The following PLXNA3 variants were observed in gnomAD, a reference collection of about 807,000 sequenced individuals.
PLXNA3 encodes plexin A3, also known as plexin-A3.
In PLXNA3, 52 loss-of-function variants were observed where a neutral mutation model predicts 118.8. That is an observed-to-expected ratio of 0.44 (90% CI 0.35 to 0.55). The LOEUF (loss-of-function observed/expected upper bound fraction) is 0.55. Ranked by LOEUF, PLXNA3 falls within the 20% of genes least tolerant of loss-of-function variation. The probability of loss-of-function intolerance (pLI) is 0.01; values close to 1 mark genes in which losing one functional copy is unlikely to be tolerated. For synonymous variants in PLXNA3, 925 were observed against 762.4 expected, an observed-to-expected ratio of 1.21 and a Z score of -3.51; for missense variants, 1,660 against 1,730.8, an observed-to-expected ratio of 0.96 and a Z score of 0.73.
chrX:154,461,405 G>A lies in PLXNA3; in HGVS notation c.901G>A (p.Gly301Ser). The A allele has an allele frequency of 8.3e-7, 1 of 1,211,690 alleles. No individual in the cohort carries two copies. Among genetic ancestry groups the A allele is most frequent in the Non-Finnish European group, 1.1e-6 (1 of 895,218 alleles). Residue 301 changes from glycine (G) to serine (S), a missense_variant, in exon 3 of 33, where the codon GGC becomes AGC. Coordinates refer to ENST00000369682, the MANE Select transcript of PLXNA3 (RefSeq NM_017514.5). ...GCAGAGCGCCCACCTGGCCAAGCCT[G>A]GCCTGCTGCTGGCCCAGGCCCTGGG... is the stretch of plus-strand genomic sequence containing the variant. The part of the protein sequence containing the change: ...LVQSAHLAKP[G>S]LLLAQALGVP...
rs1260414062 is a variant in PLXNA3, at chrX:154,475,324, C to G, written c.*2639C>G. On this transcript the variant is annotated 3_prime_UTR_variant, in exon 33 of 33. Transcript: ENST00000369682. The stretch of plus-strand genomic sequence containing the variant: ...CCATGTTGGTCAGGCTGGTCTCGAG[C>G]TCCCGACCTCAGGTGATCCGCCCGC... The G allele has an allele frequency of 9.0e-6, 1 of 111,306 alleles. No homozygotes were observed. The highest frequency in any genetic ancestry group is 3.3e-5 in the African/African-American group (1 of 30,629). 9.2% of individuals were successfully genotyped at this position (111,306 alleles called of 1,213,427 possible).
intron 17 of PLXNA3, 131 bp from the exon 18 acceptor site, chrX:154,466,926 C>CACAGT: frequency 1.2e-6 from 1 of 858,833 alleles, no homozygotes; most frequent in Non-Finnish European, 1.7e-6. Context: ...GTCCTGGCTG[C>CACAGT]ACAGTACCCG....
At chrX:154,464,631 C>A in intron 9 of PLXNA3, 123 bp from the exon 10 acceptor site, 1 of 685,226 alleles carries the variant, frequency 1.5e-6, no homozygotes. Flanking sequence ...CCCCTGACAT[C>A]CCCACATCTC....
intron 30 of PLXNA3, 40 bp from the exon 31 acceptor site, chrX:154,471,065 A>T (rs1557209294): frequency 8.7e-7 from 1 of 1,148,701 alleles, no homozygotes; most frequent in African/African-American, 1.8e-5. Flanking sequence ...CTTGGGGCTA[A>T]CTAGGGAGCC....
chrX:154,467,257 C>T lies in PLXNA3; in HGVS notation c.3227C>T (p.Ala1076Val), dbSNP rs1557207488. 2 of 1,209,913 alleles carry T rather than the reference C, an allele frequency of 1.7e-6. No individual in the cohort carries two copies. Among genetic ancestry groups the T allele is most frequent in the Admixed American group, 2.2e-5 (1 of 46,136 alleles). The change falls in exon 19 of 33, where the codon GCC (alanine) becomes GTC (valine). Residue 1076 changes from alanine to valine, a missense_variant. Around this residue, in one of 2 missense-constraint regions of PLXNA3, gnomAD observed 869 missense variants for 1,078.7 expected, o/e 0.81. Transcript: ENST00000369682. ...TNTCQVINDT[A>V]MLCKAPGIFL... ...ACATGCCAAGTGATCAACGACACTG[C>T]CATGCTGTGTAAGGCCCCCGGCATC...
chrX:154,468,170 C>T lies in PLXNA3; in HGVS notation c.3909C>T (p.Ala1303=), dbSNP rs372291517. 4.0e-5 allele frequency: 47 copies of T among 1,185,745 alleles called. No homozygotes were observed. In the African/African-American group the frequency reaches 5.3e-4, roughly 13 times the overall value. The part of the protein sequence containing the change: ...QIPFLDYRTY[A]VRVLFPGIEA... ...CCTTCCTGGACTACCGGACTTACGC[C>T]GTGCGCGTGCTCTTCCCGGGCATCG... The change falls in exon 22 of 33, where the codon GCC becomes GCT. Residue 1303 remains alanine (A), a synonymous_variant. Transcript: ENST00000369682.
In PLXNA3 at chrX:154,465,166, G is replaced by A. The variant is rs782064641; in HGVS notation, c.2192G>A (p.Arg731Gln). The change falls in exon 11 of 33, where the codon CGG (arginine) becomes CAG (glutamine). Residue 731 changes from arginine (R) to glutamine (Q), a missense_variant. Physicochemically the swap from Arg to Gln is conservative, Grantham distance 43. Around this residue, in one of 2 missense-constraint regions of PLXNA3, gnomAD observed 869 missense variants for 1,078.7 expected, o/e 0.81. Transcript: ENST00000369682. Reference sequence around the variant, plus strand: ...GTGCGGGTGCAGGGGCGGCAGCAGCGGGTGCCTGCCGTGCGCTTCAACAGC... The same window carrying A: ...GTGCGGGTGCAGGGGCGGCAGCAGCAGGTGCCTGCCGTGCGCTTCAACAGC... ...CVVRVQGRQQ[R>Q]VPAVRFNSSS... The A allele has an allele frequency of 1.7e-5, 20 of 1,208,804 alleles. No individual in the cohort carries two copies. The highest frequency in any genetic ancestry group is 3.0e-5 in the East Asian group (1 of 33,773).
Position 154,466,134 on chromosome X carries a change from G to A in PLXNA3, c.2679-16G>A, listed in dbSNP as rs201448722. 29 of 1,209,174 alleles carry A rather than the reference G, an allele frequency of 2.4e-5. No individual in the cohort carries two copies. Among genetic ancestry groups the A allele is most frequent in the South Asian group, 3.5e-5 (2 of 56,811 alleles). On this transcript the variant is annotated splice_polypyrimidine_tract_variant and intron_variant, in intron 14 of 32. Coordinates refer to ENST00000369682, the MANE Select transcript of PLXNA3 (RefSeq NM_017514.5). ...CGTATGTGGCCTGGCCGGCCCTGAC[G>A]CTCTCTGAGCCCTAGGATCGTGTGT... is the stretch of plus-strand genomic sequence containing the variant.
rs145388937 is a variant in PLXNA3, at chrX:154,466,406, C to T, written c.2830C>T (p.Arg944Cys). 15 of 1,210,188 alleles carry T rather than the reference C, an allele frequency of 1.2e-5. No homozygotes were observed. Among genetic ancestry groups the T allele is most frequent in the South Asian group, 1.8e-5 (1 of 56,886 alleles). ...AACGTTTGACCAAGTGAGTCCCAGC[C>T]GTGGCCCGGCGTCCGGGGGCACACG... is the stretch of plus-strand genomic sequence containing the variant. ...TPTFDQVSPS[R>C]GPASGGTRLT... Residue 944 changes from arginine to cysteine, a missense_variant, in exon 16 of 33, where the codon CGT (arginine) becomes TGT (cysteine). By Grantham distance (180) the Arg-to-Cys change is radical. Around this residue, in one of 2 missense-constraint regions of PLXNA3, gnomAD observed 869 missense variants for 1,078.7 expected, o/e 0.81. Coordinates refer to ENST00000369682, the MANE Select transcript of PLXNA3 (RefSeq NM_017514.5).
At chrX:154,459,338 C>G (rs1342116089) in intron 1 of PLXNA3, among the ~76,000 whole-genome samples, 1 of 111,703 alleles carries the variant, frequency 9.0e-6, no homozygotes, top group African/African-American at 3.3e-5. Flanking sequence ...AGTCCCAGCA[C>G]TGTCCCTGTG....
At position 154,477,122 on chromosome X, in the gene PLXNA3, C is replaced by T. The variant is rs940319565; in HGVS notation, c.*4437C>T. 4 of 111,688 alleles carry T rather than the reference C, an allele frequency of 3.6e-5. No homozygotes were observed. Among genetic ancestry groups the T allele is most frequent in the African/African-American group, 1.3e-4 (4 of 30,632 alleles). 9.2% of individuals were successfully genotyped at this position (111,688 alleles called of 1,213,427 possible). A position where few individuals can be genotyped will look rare whatever the true frequency, so the allele number is the denominator to read the frequency against. ...CAGGACAGGGACTAGCAGCTGTCCCCACCCACCAGGATAGAGAAGCTCATG... is the reference window on the plus strand; with the variant it reads ...CAGGACAGGGACTAGCAGCTGTCCCTACCCACCAGGATAGAGAAGCTCATG... On this transcript the variant is annotated 3_prime_UTR_variant, in exon 33 of 33. Transcript: ENST00000369682.
rs782556928 is a variant in PLXNA3 at position 154,465,647 on chromosome X, G to C, written c.2342-10G>C. 65 of 1,206,328 alleles carry C rather than the reference G, an allele frequency of 5.4e-5. 1 individual carries two copies. In the South Asian group the frequency reaches 1.1e-3, roughly 20 times the overall value. ...GCCTGCTCCGTCAGCAGTGCCTTCTGTGCCTGCAGCCCTCCTGTACAAGTG... is the reference window on the plus strand; with the variant it reads ...GCCTGCTCCGTCAGCAGTGCCTTCTCTGCCTGCAGCCCTCCTGTACAAGTG... On this transcript the variant is annotated splice_polypyrimidine_tract_variant and intron_variant, in intron 12 of 32. Coordinates refer to ENST00000369682, the MANE Select transcript of PLXNA3 (RefSeq NM_017514.5).
rs782731259 is a variant in PLXNA3, at chrX:154,465,783, C to T, written c.2468C>T (p.Pro823Leu). The change falls in exon 13 of 33, where the codon CCG becomes CTG. Residue 823 changes from proline to leucine, a missense_variant. Physicochemically the swap from Pro to Leu is moderately conservative, Grantham distance 98 (BLOSUM62 -3). Around this residue, in one of 2 missense-constraint regions of PLXNA3, gnomAD observed 869 missense variants for 1,078.7 expected, o/e 0.81. Coordinates refer to ENST00000369682, the MANE Select transcript of PLXNA3 (RefSeq NM_017514.5). ...RCQLRTHCPA[P>L]KTNWMHLSQK... ...CAGCTGCGGACCCACTGCCCGGCCC[C>T]GAAGACCAACTGGATGCACCTGAGC... The T allele has an allele frequency of 1.4e-5, 17 of 1,207,902 alleles. No homozygotes were observed. Among genetic ancestry groups the T allele is most frequent in the South Asian group, 1.1e-4 (6 of 56,660 alleles).
chrX:154,461,425 C>T lies in PLXNA3; in HGVS notation c.921C>T (p.Ala307=), dbSNP rs2068958082. The change falls in exon 3 of 33, where the codon GCC becomes GCT. Residue 307 remains alanine (A), a synonymous_variant. Coordinates refer to ENST00000369682, the MANE Select transcript of PLXNA3 (RefSeq NM_017514.5). ...AGCCTGGCCTGCTGCTGGCCCAGGC[C>T]CTGGGCGTGCCGGCTGATGAGGACG... The part of the protein sequence containing the change: ...LAKPGLLLAQ[A]LGVPADEDVL... 1 of 1,211,300 alleles carries T rather than the reference C, an allele frequency of 8.3e-7. No homozygotes were observed. Among genetic ancestry groups the T allele is most frequent in the Non-Finnish European group, 1.1e-6 (1 of 895,010 alleles).
chrX:154,465,394 T>C (rs372072705), intron 11 of PLXNA3, 30 bp from the exon 12 acceptor site: 13 of 1,140,200 alleles, frequency 1.1e-5, no homozygotes, highest in Non-Finnish European at 1.4e-5. Flanking sequence ...GCACATCTTA[T>C]CTGGGGTCCC....
At chrX:154,469,250 C>A (rs1557208558) in intron 26 of PLXNA3, 35 bp downstream of exon 26, 2 of 1,192,647 alleles carry the variant, frequency 1.7e-6, no homozygotes, top group African/African-American at 3.5e-5. Flanking sequence ...GGCTCCCACT[C>A]ATACCCTCCT....
chrX:154,458,288 G>GGGC lies in PLXNA3; in HGVS notation c.-152_-150dup, dbSNP rs1389734392. The GGGC allele has an allele frequency of 3.5e-4, 38 of 109,266 alleles. No homozygotes were observed. Among genetic ancestry groups the GGGC allele is most frequent in the African/African-American group, 4.9e-4 (15 of 30,425 alleles). The allele number at this position is 109,266 out of a possible 1,213,427, so 9.0% of individuals were successfully genotyped here. Reference sequence around the variant, plus strand: ...CGGCCCCCGGGCCAGCCCAGTGTGTGGGCGGCGGCGGCGGCGGCTGCGCGC... The same window carrying GGGC: ...CGGCCCCCGGGCCAGCCCAGTGTGTGGGCGGCGGCGGCGGCGGCGGCTGCGCGC... On this transcript the variant is annotated 5_prime_UTR_variant, in exon 1 of 33. Transcript: ENST00000369682.
chrX:154,466,322 G>A (rs1449087723), intron 15 of PLXNA3, 52 bp downstream of exon 15: 11 of 1,209,871 alleles, frequency 9.1e-6, no homozygotes, highest in Non-Finnish European at 1.2e-5. Flanking sequence ...TCCCGCAAGG[G>A]GCGTGTGGAG....
At position 154,477,564 on chromosome X, in the gene PLXNA3, C is replaced by G; in HGVS notation, c.*4879C>G. The stretch of plus-strand genomic sequence containing the variant: ...TTACACATTTACTATGTAAGTGCAA[C>G]TGTAAAACTGAGGAAGTATTCCAAA... On this transcript the variant is annotated 3_prime_UTR_variant, in exon 33 of 33. Coordinates refer to ENST00000369682, the MANE Select transcript of PLXNA3 (RefSeq NM_017514.5). The G allele has an allele frequency of 6.3e-6, 1 of 158,496 alleles. No homozygotes were observed. The highest frequency in any genetic ancestry group is 1.6e-4 in the South Asian group (1 of 6,156). 13.1% of individuals were successfully genotyped at this position (158,496 alleles called of 1,213,427 possible).
Sources: allele counts gnomAD v4.1 joint callset (sites outside exome capture counted in the v4.1 genomes callset), GRCh38; gene constraint gnomAD v4.1.1; regional missense constraint gnomAD v4.1.1; transcripts MANE v1.5; gene names NCBI Gene and HGNC (gene_info 2026-07-23, HGNC 2026-07-21).